Variants in DSCAML1 observed in about 807,000 individuals in gnomAD.
The protein encoded by DSCAML1 is DS cell adhesion molecule like 1, also known as cell adhesion molecule DSCAML1.
In DSCAML1, 38 loss-of-function variants were observed where a neutral mutation model predicts 200.5. That is an observed-to-expected ratio of 0.19 (90% CI 0.15 to 0.25). The LOEUF (loss-of-function observed/expected upper bound fraction) is 0.25. Ranked by LOEUF, DSCAML1 falls within the 10% of genes least tolerant of loss-of-function variation. The pLI, the probability that DSCAML1 is intolerant of heterozygous loss-of-function variation, is 1.00. For missense variants in DSCAML1, 2,223 were observed against 2,858.8 expected (o/e 0.78, Z 5.07); for synonymous variants, 1,215 against 1,165.0 (o/e 1.04, Z -0.87).
intron 1 of DSCAML1, among the ~76,000 whole-genome samples, chr11:117,805,478 A>G (rs2055700902): frequency 6.6e-6 from 1 of 152,234 alleles, no homozygotes; most frequent in African/African-American, 2.4e-5. Flanking sequence ...AAACTGATCT[A>G]TGGTCAAATA....
rs758519684 is a variant in DSCAML1, at chr11:117,458,784, T to C, written c.3538A>G (p.Ser1180Gly). 1 of 1,613,814 alleles carries C rather than the reference T, an allele frequency of 6.2e-7. No homozygotes were observed. Among genetic ancestry groups the C allele is most frequent in the African/African-American group, 1.3e-5 (1 of 75,028 alleles). The change falls in exon 19 of 33, where the codon AGT becomes GGT. Residue 1180 changes from serine (S) to glycine (G), a missense_variant. By Grantham distance (56) the Ser-to-Gly change is moderately conservative (BLOSUM62 0). Transcript: ENST00000651296. ...YTQAGDGVRS[S>G]VLYIQTKEDV... ...TCCTTGGTCTGGATGTAGAGCACACTGCTGCGTACGCCGTCCCCAGCCTGG... is the reference window on the plus strand; with the variant it reads ...TCCTTGGTCTGGATGTAGAGCACACCGCTGCGTACGCCGTCCCCAGCCTGG...
At chr11:117,587,877 T>C (rs189707802) in intron 3 of DSCAML1, among the ~76,000 whole-genome samples, 97 of 152,288 alleles carry the variant, frequency 6.4e-4, no homozygotes, top group Non-Finnish European at 1.1e-3. Context: ...AGCTTTCCTG[T>C]GGTCCTGAGT....
chr11:117,608,941 C>T (rs563539688), intron 3 of DSCAML1, among the ~76,000 whole-genome samples: 9 of 151,598 alleles, frequency 5.9e-5, no homozygotes, highest in African/African-American at 9.7e-5. Flanking sequence ...CTGAGGTGGG[C>T]GGATCACTTG....
chr11:117,526,946 C>T (rs186003981), intron 4 of DSCAML1, among the ~76,000 whole-genome samples: 30 of 152,140 alleles, frequency 2.0e-4, no homozygotes, highest in South Asian at 1.0e-3. Flanking sequence ...GAGACCAGCC[C>T]GGGCAACACA....
chr11:117,693,826 C>T (rs1204356988), intron 3 of DSCAML1, among the ~76,000 whole-genome samples: 2 of 152,056 alleles, frequency 1.3e-5, no homozygotes, highest in Non-Finnish European at 2.9e-5. Flanking sequence ...TATTTCTCAG[C>T]CTAGCCCACA....
At chr11:117,494,588 T>G (rs1033709396) in intron 11 of DSCAML1, among the ~76,000 whole-genome samples, 7 of 152,316 alleles carry the variant, frequency 4.6e-5, no homozygotes, top group East Asian at 1.9e-4. Flanking sequence ...GGGATTGTTG[T>G]GGGTTGAATT....
At chr11:117,459,774 C>A (rs1278676639) in intron 18 of DSCAML1, among the ~76,000 whole-genome samples, 1 of 152,248 alleles carries the variant, frequency 6.6e-6, no homozygotes, top group Non-Finnish European at 1.5e-5. Flanking sequence ...GGGCTGAGGA[C>A]CAGCCTCGTA....
chr11:117,480,358 C>A lies in DSCAML1; in HGVS notation c.2785+85G>T. 6.4e-7 allele frequency: 1 copy of A among 1,567,466 alleles called. No individual in the cohort carries two copies. The highest frequency in any genetic ancestry group is 1.2e-5 in the South Asian group (1 of 84,158). ...GATGGGCAGCCCTAAGGCTCAGGGGCTCTCCTCCCAGAGGGCACAGGCAGG... is the reference window on the plus strand; with the variant it reads ...GATGGGCAGCCCTAAGGCTCAGGGGATCTCCTCCCAGAGGGCACAGGCAGG... On this transcript the variant is annotated intron_variant, in intron 14 of 32. Coordinates refer to ENST00000651296, the MANE Select transcript of DSCAML1 (RefSeq NM_020693.4). The surrounding 1 kb of genome is among the most constrained non-coding windows in gnomAD (Gnocchi z 4.1).
At chr11:117,714,280 C>T (rs541987770) in intron 3 of DSCAML1, among the ~76,000 whole-genome samples, 1 of 152,224 alleles carries the variant, frequency 6.6e-6, no homozygotes, top group African/African-American at 2.4e-5. Context: ...TTTCTTTGTC[C>T]CTTTTCTGAA....
chr11:117,747,489 A>G (rs774582350), intron 3 of DSCAML1, among the ~76,000 whole-genome samples: 1 of 152,150 alleles, frequency 6.6e-6, no homozygotes, highest in Non-Finnish European at 1.5e-5. Flanking sequence ...CACCAGCACA[A>G]TACTGAACGC....
At chr11:117,554,748 G>T (rs1244349321) in intron 3 of DSCAML1, among the ~76,000 whole-genome samples, 1 of 152,078 alleles carries the variant, frequency 6.6e-6, no homozygotes, top group Non-Finnish European at 1.5e-5. Context: ...AAGTGCAGCT[G>T]TGTTGCAATC....
chr11:117,715,663 C>T (rs183016899), intron 3 of DSCAML1, among the ~76,000 whole-genome samples: 7 of 152,208 alleles, frequency 4.6e-5, no homozygotes, highest in South Asian at 2.1e-4. Context: ...GTGATGAGTA[C>T]GGGACTGGGA....
At chr11:117,730,146 C>G (rs1403684291) in intron 3 of DSCAML1, among the ~76,000 whole-genome samples, 1 of 152,098 alleles carries the variant, frequency 6.6e-6, no homozygotes, top group Non-Finnish European at 1.5e-5. Context: ...TTGCAGTGAG[C>G]TGAGACCATG....
intron 26 of DSCAML1, among the ~76,000 whole-genome samples, chr11:117,436,484 T>C (rs1320956169): frequency 6.6e-6 from 1 of 152,140 alleles, no homozygotes; most frequent in African/African-American, 2.4e-5. Flanking sequence ...TGGGCTTCTA[T>C]GAATTCAGCC....
At chr11:117,639,737 G>A (rs2052365092) in intron 3 of DSCAML1, among the ~76,000 whole-genome samples, 1 of 152,046 alleles carries the variant, frequency 6.6e-6, no homozygotes, top group Non-Finnish European at 1.5e-5. Flanking sequence ...CAGGTGCTTT[G>A]GCTGGGCCCA....
rs200493602 is a variant in DSCAML1 at position 117,604,065 on chromosome 11, A to G, written c.512-71543T>C. ...TCAAACCCCAGCCTGTCTGACTCAA[A>G]GTGGTCTTTCTCCCAGGCAGATTGC... On this transcript the variant is annotated intron_variant, in intron 3 of 32. Transcript: ENST00000651296. Among the ~76,000 whole-genome samples the G allele has an allele frequency of 1.9e-4, 29 of 152,340 alleles. No individual in the cohort carries two copies. In the East Asian group the frequency reaches 5.4e-3, roughly 28 times the overall value.
chr11:117,806,283 G>A (rs2055706744), intron 1 of DSCAML1, among the ~76,000 whole-genome samples: 1 of 152,164 alleles, frequency 6.6e-6, no homozygotes, highest in Non-Finnish European at 1.5e-5. Context: ...GCAATGGGAA[G>A]GATATGCAGA....
At chr11:117,581,964 C>G (rs978208302) in intron 3 of DSCAML1, among the ~76,000 whole-genome samples, 1 of 152,100 alleles carries the variant, frequency 6.6e-6, no homozygotes, top group Non-Finnish European at 1.5e-5. Flanking sequence ...AGACCCATAC[C>G]AGATCCCTAG....
At chr11:117,478,388 C>A (rs1430811528) in intron 14 of DSCAML1, among the ~76,000 whole-genome samples, 2 of 152,168 alleles carry the variant, frequency 1.3e-5, no homozygotes, top group Non-Finnish European at 2.9e-5. Flanking sequence ...TCCTGGGTGG[C>A]CTGTGCCCAA....
Sources: allele counts gnomAD v4.1 joint callset (sites outside exome capture counted in the v4.1 genomes callset), GRCh38; gene constraint gnomAD v4.1.1; non-coding constraint Gnocchi (gnomAD v3.1); transcripts MANE v1.5; gene names NCBI Gene and HGNC (gene_info 2026-07-23, HGNC 2026-07-21).